Variants in ZMYM2 observed in about 807,000 individuals in gnomAD.
ZMYM2 encodes zinc finger MYM-type protein 2.
Under a neutral mutation model 162.8 loss-of-function variants are expected in ZMYM2, and 56 were observed. That is an observed-to-expected ratio of 0.34 (90% CI 0.28 to 0.43). ZMYM2 has a LOEUF of 0.43. Among genes scored for constraint, ZMYM2 ranks in the 20% least tolerant of loss-of-function variants. ZMYM2 has a pLI of 1.00. For synonymous variants in ZMYM2, 510 were observed against 541.6 expected (o/e 0.94, Z 0.81); for missense variants, 1,275 against 1,621.8 (o/e 0.79, Z 3.67).
At chr13:19,959,185 A>G (rs1338046399) in intron 1 of ZMYM2, among the ~76,000 whole-genome samples, 4 of 140,186 alleles carry the variant, frequency 2.9e-5, no homozygotes, top group African/African-American at 2.6e-5. Flanking sequence ...GGGCGGCGGG[A>G]CGGCGGGACG....
chr13:20,064,419 A>C, intron 18 of ZMYM2, 32 bp from the exon 19 acceptor site: 4 of 1,547,144 alleles, frequency 2.6e-6, no homozygotes, highest in Non-Finnish European at 3.5e-6. Context: ...GTGCTATTTC[A>C]TTTAAAATAA....
At chr13:19,863,842 T>G in the ZMYM2 span, 1 of 152,280 alleles carries the variant, frequency 6.6e-6, no homozygotes, top group Non-Finnish European at 1.5e-5. Context: ...GGCCCTGCAG[T>G]TCCACTCCCG....
intron 14 of ZMYM2, among the ~76,000 whole-genome samples, chr13:20,054,162 A>G (rs1211104311): frequency 2.0e-5 from 3 of 152,218 alleles, no homozygotes; most frequent in East Asian, 1.9e-4. Flanking sequence ...CTCCACCCAT[A>G]AACTTCAAAG....
chr13:19,969,361 T>C (rs1036406364), intron 2 of ZMYM2, among the ~76,000 whole-genome samples: 11 of 152,190 alleles, frequency 7.2e-5, no homozygotes, highest in African/African-American at 2.7e-4. Flanking sequence ...ATGTGGACTT[T>C]TTAGGTACAA....
intron 2 of ZMYM2, among the ~76,000 whole-genome samples, chr13:19,978,407 A>T (rs899449776): frequency 6.6e-6 from 1 of 151,896 alleles, no homozygotes; most frequent in Non-Finnish European, 1.5e-5. Context: ...ATAAATTTAA[A>T]ATTACTGTTT....
At chr13:19,905,347 A>G in the ZMYM2 span, among the ~76,000 whole-genome samples, 2 of 151,880 alleles carry the variant, frequency 1.3e-5, no homozygotes, top group East Asian at 3.9e-4. Context: ...TGCCATTGGG[A>G]GCCTTCCTGA....
At chr13:19,902,592 G>T in the ZMYM2 span, among the ~76,000 whole-genome samples, 70 of 152,024 alleles carry the variant, frequency 4.6e-4, no homozygotes, top group African/African-American at 1.6e-3. Context: ...CTCCAGCCTG[G>T]GCAACAAGAG....
At chr13:19,872,030 T>C in the ZMYM2 span, among the ~76,000 whole-genome samples, 1 of 152,062 alleles carries the variant, frequency 6.6e-6, no homozygotes, top group Non-Finnish European at 1.5e-5. Context: ...GGTGCAATGG[T>C]ATAATCACAG....
At chr13:20,051,694 A>T in intron 13 of ZMYM2, 96 bp downstream of exon 13, 1 of 1,249,512 alleles carries the variant, frequency 8.0e-7, no homozygotes, top group South Asian at 1.9e-5. Context: ...TTGATTTTGG[A>T]GATAGCTTAA....
chr13:19,923,867 C>T, the ZMYM2 span, among the ~76,000 whole-genome samples: 4 of 151,834 alleles, frequency 2.6e-5, no homozygotes, highest in African/African-American at 2.4e-5. Flanking sequence ...GACAGGGTTT[C>T]GCCATGTTGG....
At chr13:20,035,027 C>T (rs997326591) in intron 11 of ZMYM2, among the ~76,000 whole-genome samples, 4 of 152,144 alleles carry the variant, frequency 2.6e-5, no homozygotes, top group Non-Finnish European at 4.4e-5. Flanking sequence ...TTGTGTTATT[C>T]CTGTTCCCAA....
Position 20,046,619 on chromosome 13 carries a change from G to GTA in ZMYM2, c.2293-4806_2293-4805dup, listed in dbSNP as rs1200652740. 2.4e-3 allele frequency among the ~76,000 whole-genome samples: 144 copies of GTA among 59,040 alleles called. 1 individual carries two copies. The highest frequency in any genetic ancestry group is 3.2e-3 in the African/African-American group (40 of 12,500). 38.7% of individuals were successfully genotyped at this position (59,040 alleles called of 152,430 possible). On this transcript the variant is annotated intron_variant, in intron 12 of 24. Transcript: ENST00000610343. The stretch of plus-strand genomic sequence containing the variant: ...TGTGTGTGTGTGTGTATATATATGT[G>GTA]TATATATATGTGTATATATATGTGT...
chr13:20,049,028 C>T lies in ZMYM2; in HGVS notation c.2293-2405C>T, dbSNP rs554371692. On this transcript the variant is annotated intron_variant, in intron 12 of 24. Coordinates refer to ENST00000610343, the MANE Select transcript of ZMYM2 (RefSeq NM_197968.4). ...GTAAGGAATGATGGTCATTAATGATCTTTTTAAATTGGCCACCATATTTTA... is the reference window on the plus strand; with the variant it reads ...GTAAGGAATGATGGTCATTAATGATTTTTTTAAATTGGCCACCATATTTTA... Among the ~76,000 whole-genome samples, 548 of 151,930 alleles carry T rather than the reference C, an allele frequency of 3.6e-3. 2 individuals are homozygous for T. The highest frequency in any genetic ancestry group is 5.5e-3 in the Non-Finnish European group (372 of 67,804).
chr13:19,971,164 A>G (rs1000517798), intron 2 of ZMYM2, among the ~76,000 whole-genome samples: 1 of 150,878 alleles, frequency 6.6e-6, no homozygotes, highest in Admixed American at 6.7e-5. Flanking sequence ...CTTTCTCCTA[A>G]GTATACTGAA....
intron 6 of ZMYM2, among the ~76,000 whole-genome samples, chr13:20,019,043 G>A (rs1410593931): frequency 6.9e-6 from 1 of 145,230 alleles, no homozygotes; most frequent in African/African-American, 2.6e-5. Context: ...TCATGCCACT[G>A]CAATTCAGCG....
chr13:20,026,943 A>G (rs187353271), intron 8 of ZMYM2, among the ~76,000 whole-genome samples, 181 bp downstream of exon 8: 61 of 152,172 alleles, frequency 4.0e-4, no homozygotes, highest in East Asian at 2.5e-3. Context: ...CTTCATGTCT[A>G]TGTTCTTAAC....
At chr13:20,056,614 G>A (rs1955815417) in intron 14 of ZMYM2, among the ~76,000 whole-genome samples, 1 of 152,228 alleles carries the variant, frequency 6.6e-6, no homozygotes, top group South Asian at 2.1e-4. Flanking sequence ...ACAACCTGGG[G>A]GCAGTATAAA....
At chr13:19,923,157 C>A in the ZMYM2 span, among the ~76,000 whole-genome samples, 3 of 147,130 alleles carry the variant, frequency 2.0e-5, 1 homozygote, top group Admixed American at 2.1e-4. Context: ...TTGAACATGG[C>A]CAACATGGTG....
At chr13:20,081,729 T>TA (rs1957923208) in intron 21 of ZMYM2, among the ~76,000 whole-genome samples, 1 of 152,102 alleles carries the variant, frequency 6.6e-6, no homozygotes, top group East Asian at 1.9e-4. Context: ...GGGAGTCAAA[T>TA]ATTCTTTTTT....
Sources: gnomAD v4.1 joint callset for allele counts (sites outside exome capture counted in the v4.1 genomes callset) on GRCh38, gnomAD v4.1.1 for gene constraint, MANE v1.5 for transcripts, NCBI Gene and HGNC (gene_info 2026-07-23, HGNC 2026-07-21) for gene names.